GPC6: variants seen among roughly 807,000 people sequenced by gnomAD.
GPC6 encodes glypican-6.
GPC6 carries 14 observed loss-of-function variants against 55.2 expected under a neutral mutation model. The ratio of observed to expected loss-of-function variants is 0.25; its 90% CI spans 0.17 to 0.40. The LOEUF is 0.40. GPC6 is among the 10% of genes least tolerant of loss of function. The pLI is 1.00. For synonymous variants in GPC6, 278 were observed against 259.6 expected, an observed-to-expected ratio of 1.07 and a Z score of -0.68; for missense variants, 641 against 708.5, an observed-to-expected ratio of 0.90 and a Z score of 1.08.
intron 1 of GPC6, among the ~76,000 whole-genome samples, chr13:93,376,776 C>CTTTTTTT (rs58608553): frequency 7.2e-6 from 1 of 139,754 alleles, no homozygotes. Context: ...TTCTTGCTCA[C>CTTTTTTT]TTTTTTTTTT....
At chr13:94,288,853 A>ATATTTGTTATATAT (rs1400224607) in intron 5 of GPC6, among the ~76,000 whole-genome samples, 1 of 69,846 alleles carries the variant, frequency 1.4e-5, no homozygotes, top group Non-Finnish European at 3.2e-5. Flanking sequence ...AAATATATAT[A>ATATTTGTTATATAT]ATAAATATAT....
chr13:93,282,314 T>C (rs1877979935), intron 1 of GPC6, among the ~76,000 whole-genome samples: 2 of 152,162 alleles, frequency 1.3e-5, no homozygotes. Flanking sequence ...GTCCTTAGCA[T>C]GGAGAAAGGT....
At chr13:94,290,443 A>C (rs1594137068) in intron 5 of GPC6, among the ~76,000 whole-genome samples, 1 of 149,920 alleles carries the variant, frequency 6.7e-6, no homozygotes, top group African/African-American at 2.5e-5. Flanking sequence ...AAAAAAAAAA[A>C]AAAAAAGAAA....
At chr13:93,624,656 A>C (rs1879126085) in intron 2 of GPC6, among the ~76,000 whole-genome samples, 1 of 152,232 alleles carries the variant, frequency 6.6e-6, no homozygotes, top group Non-Finnish European at 1.5e-5. Flanking sequence ...TAAAAAATAA[A>C]TTATGGTAAT....
At chr13:93,490,083 A>T (rs945393743) in intron 1 of GPC6, among the ~76,000 whole-genome samples, 1 of 151,422 alleles carries the variant, frequency 6.6e-6, no homozygotes, top group African/African-American at 2.4e-5. Flanking sequence ...TTGCCCATTC[A>T]GTATGATATT....
intron 4 of GPC6, among the ~76,000 whole-genome samples, chr13:94,199,230 GA>G (rs1196281353): frequency 6.6e-6 from 1 of 152,214 alleles, no homozygotes; most frequent in African/African-American, 2.4e-5. Flanking sequence ...ACGACAGAGA[GA>G]AAAGATGGGA....
chr13:93,599,927 G>T (rs552850841), intron 2 of GPC6, among the ~76,000 whole-genome samples: 1 of 152,192 alleles, frequency 6.6e-6, no homozygotes, highest in South Asian at 2.1e-4. Flanking sequence ...CTACCTAGTA[G>T]CTCCTTCCAT....
At chr13:93,740,014 AC>A in intron 2 of GPC6, among the ~76,000 whole-genome samples, 1 of 152,202 alleles carries the variant, frequency 6.6e-6, no homozygotes, top group Middle Eastern at 3.4e-3. Context: ...GGAATTAAAA[AC>A]CTAAAGCAGG....
chr13:93,258,088 C>T (rs1378112002), intron 1 of GPC6, among the ~76,000 whole-genome samples: 4 of 152,100 alleles, frequency 2.6e-5, no homozygotes, highest in South Asian at 2.1e-4. Context: ...TCTGAATGCT[C>T]CTCTTCAGTT....
chr13:94,007,648 A>T (rs1439785798), intron 3 of GPC6, among the ~76,000 whole-genome samples: 1 of 151,930 alleles, frequency 6.6e-6, no homozygotes, highest in Non-Finnish European at 1.5e-5. Context: ...AGTTTATTTT[A>T]TTAAGTAAAA....
At chr13:93,371,556 CAT>C (rs567284786) in intron 1 of GPC6, among the ~76,000 whole-genome samples, 119 of 152,188 alleles carry the variant, frequency 7.8e-4, no homozygotes, top group African/African-American at 2.5e-3. Flanking sequence ...TCCTTTAACA[CAT>C]GTGTGAGGTA....
chr13:94,115,274 T>C (rs1886396503), intron 4 of GPC6, among the ~76,000 whole-genome samples: 1 of 151,998 alleles, frequency 6.6e-6, no homozygotes, highest in Non-Finnish European at 1.5e-5. Flanking sequence ...GCTATCTCCT[T>C]TTTGCACCTA....
chr13:94,356,895 C>T (rs1878824954), intron 6 of GPC6, among the ~76,000 whole-genome samples: 1 of 151,912 alleles, frequency 6.6e-6, no homozygotes, highest in South Asian at 2.1e-4. Context: ...GAGTGAGACC[C>T]TGTCTCAAAA....
intron 2 of GPC6, among the ~76,000 whole-genome samples, chr13:93,606,032 T>A (rs986892753): frequency 6.6e-6 from 1 of 152,104 alleles, no homozygotes; most frequent in East Asian, 1.9e-4. Context: ...ACATATAACT[T>A]AATACAGAGC....
chr13:94,286,578 T>C (rs1892538195), intron 5 of GPC6, 99 bp downstream of exon 5: 1 of 1,054,372 alleles, frequency 9.5e-7, no homozygotes, highest in African/African-American at 1.6e-5. Context: ...GCTTATAAAT[T>C]CTAATATGCT....
intron 3 of GPC6, among the ~76,000 whole-genome samples, chr13:94,021,705 G>T (rs17195883): frequency 1.3e-5 from 2 of 151,628 alleles, no homozygotes; most frequent in Admixed American, 6.6e-5. Flanking sequence ...TACAAGGATC[G>T]TTGGTTATAA....
At chr13:94,116,364 A>C (rs963853843) in intron 4 of GPC6, among the ~76,000 whole-genome samples, 1 of 152,096 alleles carries the variant, frequency 6.6e-6, no homozygotes, top group African/African-American at 2.4e-5. Flanking sequence ...AAAGAACCAG[A>C]GAAAATTAAA....
intron 3 of GPC6, among the ~76,000 whole-genome samples, chr13:93,934,272 T>C (rs1401861275): frequency 2.0e-5 from 3 of 152,164 alleles, no homozygotes; most frequent in African/African-American, 7.2e-5. Flanking sequence ...CTGCTAAGTA[T>C]AAGTTATAGA....
At chr13:93,643,710 A>G (rs758722759) in intron 2 of GPC6, among the ~76,000 whole-genome samples, 1 of 152,034 alleles carries the variant, frequency 6.6e-6, no homozygotes, top group Non-Finnish European at 1.5e-5. Flanking sequence ...TTGTCCTCCT[A>G]TAGGGAGGCC....
Sources: gnomAD v4.1 joint callset for allele counts (sites outside exome capture counted in the v4.1 genomes callset) on GRCh38, gnomAD v4.1.1 for gene constraint, MANE v1.5 for transcripts, NCBI Gene and HGNC (gene_info 2026-07-23, HGNC 2026-07-21) for gene names.